Variants in PLXNA2 observed in about 807,000 individuals in gnomAD.
PLXNA2 encodes the protein plexin-A2.
A neutral mutation model predicts 193.5 loss-of-function variants in PLXNA2; 91 were observed. That is an observed-to-expected ratio of 0.47 (90% confidence interval 0.40 to 0.56). The LOEUF (loss-of-function observed/expected upper bound fraction) is 0.56. Among genes scored for constraint, PLXNA2 ranks in the 20% least tolerant of loss-of-function variants. The pLI is 0.00. For missense variants in PLXNA2, 1,995 were observed against 2,503.2 expected, an observed-to-expected ratio of 0.80 and a Z score of 4.33; for synonymous variants, 997 against 1,027.3, an observed-to-expected ratio of 0.97 and a Z score of 0.56.
intron 1 of PLXNA2, among the ~76,000 whole-genome samples, chr1:208,232,251 C>T (rs554157542): frequency 1.3e-5 from 2 of 152,204 alleles, no homozygotes; most frequent in Non-Finnish European, 2.9e-5. Context: ...CTCTCCCCAG[C>T]CGGCCCTTTA....
At chr1:208,148,196 CTA>C (rs1254548442) in intron 3 of PLXNA2, among the ~76,000 whole-genome samples, 1 of 152,180 alleles carries the variant, frequency 6.6e-6, no homozygotes, top group African/African-American at 2.4e-5. Context: ...GATTTCTTCT[CTA>C]GTTAGCCCTA....
intron 3 of PLXNA2, among the ~76,000 whole-genome samples, chr1:208,152,866 A>C (rs1048652226): frequency 7.2e-6 from 1 of 139,556 alleles, no homozygotes; most frequent in Non-Finnish European, 1.5e-5. Context: ...AATTTATTCT[A>C]CCTCCTAGAT....
At chr1:208,162,731 A>G (rs1669171922) in intron 3 of PLXNA2, among the ~76,000 whole-genome samples, 1 of 152,180 alleles carries the variant, frequency 6.6e-6, no homozygotes, top group African/African-American at 2.4e-5. Flanking sequence ...AGGTCCTGTT[A>G]TTATCTCTGT....
Position 208,024,201 on chromosome 1 carries a change from C to T in PLXNA2, c.*3042G>A, listed in dbSNP as rs1664272656. The T allele has an allele frequency of 6.6e-6, 1 of 152,258 alleles. No individual in the cohort carries two copies. Among genetic ancestry groups the T allele is most frequent in the Non-Finnish European group, 1.5e-5 (1 of 68,062 alleles). The allele number at this position is 152,258 out of a possible 1,614,324, so 9.4% of individuals were successfully genotyped here. ...AGACTTTGGAGAGAGACTTCCCTCT[C>T]TGCCTCCCCCAAGATGAATGGCTTC... is the stretch of plus-strand genomic sequence containing the variant. On this transcript the variant is annotated 3_prime_UTR_variant, in exon 32 of 32. Transcript: ENST00000367033.
Position 208,096,817 on chromosome 1 carries a change from T to C in PLXNA2, c.1798A>G (p.Thr600Ala). The C allele has an allele frequency of 6.2e-7, 1 of 1,614,090 alleles. No individual in the cohort carries two copies. Among genetic ancestry groups the C allele is most frequent in the Non-Finnish European group, 8.5e-7 (1 of 1,180,010 alleles). The change falls in exon 7 of 32, where the codon ACA (threonine) becomes GCA (alanine). Residue 600 changes from threonine (T) to alanine (A), a missense_variant. Thr to Ala is a moderately conservative substitution (Grantham distance 58, BLOSUM62 0). Around this residue, in one of 3 missense-constraint regions of PLXNA2, gnomAD observed 702 missense variants for 812.9 expected, o/e 0.86. Coordinates refer to ENST00000367033, the MANE Select transcript of PLXNA2 (RefSeq NM_025179.4). The stretch of plus-strand genomic sequence containing the variant: ...CCGGACACCTGCCCCTCCACCTCTG[T>C]CAGGTTCCCAAAGGCACAGGCGATA... ...AGIACAFGNL[T>A]EVEGQVSGSQ... is the part of the protein sequence containing the mutation.
intron 26 of PLXNA2, among the ~76,000 whole-genome samples, chr1:208,037,922 C>T (rs951080053): frequency 2.6e-5 from 4 of 152,268 alleles, no homozygotes; most frequent in Admixed American, 2.6e-4. Context: ...AATGTAAGAC[C>T]TGAAGAGAAG....
intron 1 of PLXNA2, among the ~76,000 whole-genome samples, chr1:208,226,525 G>T (rs1027602780): frequency 6.6e-6 from 1 of 152,158 alleles, no homozygotes; most frequent in African/African-American, 2.4e-5. Context: ...CTGAGGGGCT[G>T]GCGGGGGCTC....
At chr1:208,224,171 C>G (rs969494227) in intron 1 of PLXNA2, among the ~76,000 whole-genome samples, 3 of 152,130 alleles carry the variant, frequency 2.0e-5, no homozygotes, top group Non-Finnish European at 4.4e-5. Context: ...CCGGGTAATG[C>G]CGACGGCTGA....
chr1:208,195,319 T>G (rs527702278), intron 3 of PLXNA2, among the ~76,000 whole-genome samples: 1 of 151,612 alleles, frequency 6.6e-6, no homozygotes, highest in East Asian at 1.9e-4. Flanking sequence ...TGAGGGAGAG[T>G]GGTAAGATTT....
chr1:208,232,911 T>C (rs984636611), intron 1 of PLXNA2, among the ~76,000 whole-genome samples: 2 of 152,252 alleles, frequency 1.3e-5, no homozygotes, highest in Non-Finnish European at 2.9e-5. Flanking sequence ...AATTTGGATT[T>C]ACTTAGCAGC....
chr1:208,195,680 G>A (rs1357585075), intron 3 of PLXNA2, among the ~76,000 whole-genome samples: 1 of 151,744 alleles, frequency 6.6e-6, no homozygotes, highest in Non-Finnish European at 1.5e-5. Context: ...TGGGCAACAT[G>A]CATCATAAAA....
intron 4 of PLXNA2, among the ~76,000 whole-genome samples, chr1:208,125,086 T>C (rs913481161): frequency 6.6e-6 from 1 of 152,214 alleles, no homozygotes; most frequent in Non-Finnish European, 1.5e-5. Flanking sequence ...CACTTCAAAA[T>C]GTAACAATAA....
intron 3 of PLXNA2, among the ~76,000 whole-genome samples, chr1:208,168,724 G>GTTTTTTTTTTTTT (rs10668701): frequency 4.1e-5 from 3 of 73,196 alleles, no homozygotes; most frequent in Admixed American, 1.8e-4. Context: ...AGTATGCGGG[G>GTTTTTTTTTTTTT]TTTTTTTTTT....
intron 12 of PLXNA2, among the ~76,000 whole-genome samples, chr1:208,077,343 A>G (rs1397228092): frequency 6.6e-6 from 1 of 152,216 alleles, no homozygotes; most frequent in Non-Finnish European, 1.5e-5. Flanking sequence ...AGCCTCGCGT[A>G]GCCTGGGTGT....
intron 5 of PLXNA2, among the ~76,000 whole-genome samples, chr1:208,100,864 T>C (rs1394103006): frequency 6.6e-6 from 1 of 152,168 alleles, no homozygotes; most frequent in African/African-American, 2.4e-5. Flanking sequence ...TTCAGGTTAC[T>C]GTCTGCCTTG....
intron 9 of PLXNA2, among the ~76,000 whole-genome samples, chr1:208,085,711 A>G (rs1043744706): frequency 6.6e-6 from 1 of 152,170 alleles, no homozygotes; most frequent in Admixed American, 6.5e-5. Context: ...TCTGGGCCCC[A>G]CTTGCAAGCC....
At chr1:208,198,822 C>T (rs894907754) in intron 3 of PLXNA2, among the ~76,000 whole-genome samples, 1 of 152,154 alleles carries the variant, frequency 6.6e-6, no homozygotes, top group Non-Finnish European at 1.5e-5. Flanking sequence ...AAGCACAGGT[C>T]TGGAGTCAGA....
Position 208,028,008 on chromosome 1 carries a change from C to A in PLXNA2, c.5589+1G>T. Reference sequence around the variant, plus strand: ...CTGTCCCTGCTGGGGCCCTGTCTCACCTCCTCACTATACTTGCTGACATAG... The same window carrying A: ...CTGTCCCTGCTGGGGCCCTGTCTCAACTCCTCACTATACTTGCTGACATAG... On this transcript the variant is annotated splice_donor_variant, in intron 31 of 31. Coordinates refer to ENST00000367033, the MANE Select transcript of PLXNA2 (RefSeq NM_025179.4). LOFTEE classifies it high-confidence loss of function. The surrounding 1 kb of genome is among the most constrained non-coding windows in gnomAD (Gnocchi z 4.2). 6.3e-7 allele frequency: 1 copy of A among 1,581,404 alleles called. No homozygotes were observed. The highest frequency in any genetic ancestry group is 8.6e-7 in the Non-Finnish European group (1 of 1,162,136).
intron 3 of PLXNA2, among the ~76,000 whole-genome samples, chr1:208,170,146 G>A (rs1009583147): frequency 3.3e-5 from 5 of 152,208 alleles, no homozygotes; most frequent in African/African-American, 4.8e-5. Flanking sequence ...TCACCAGACT[G>A]CCAGAGGCTG....
Sources: allele counts gnomAD v4.1 joint callset (sites outside exome capture counted in the v4.1 genomes callset), GRCh38; gene constraint gnomAD v4.1.1; regional missense constraint gnomAD v4.1.1; non-coding constraint Gnocchi (gnomAD v3.1); transcripts MANE v1.5; gene names NCBI Gene and HGNC (gene_info 2026-07-23, HGNC 2026-07-21).